MACROD2: variants seen among roughly 807,000 people sequenced by gnomAD.
MACROD2 encodes the protein ADP-ribose glycohydrolase MACROD2.
In MACROD2, 36 loss-of-function variants were observed where a neutral mutation model predicts 70.4. The ratio of observed to expected loss-of-function variants is 0.51; its 90% CI spans 0.39 to 0.68. The LOEUF (loss-of-function observed/expected upper bound fraction) is 0.68, where lower values mean the gene tolerates loss of function less well. Ranked by LOEUF, MACROD2 falls within the 30% of genes least tolerant of loss-of-function variation. MACROD2 has a pLI of 0.00. For synonymous variants in MACROD2, 172 were observed against 178.8 expected (o/e 0.96, Z 0.30); for missense variants, 496 against 538.4 (o/e 0.92, Z 0.78).
intron 3 of MACROD2, among the ~76,000 whole-genome samples, chr20:14,455,907 G>T (rs1878983735): frequency 6.6e-6 from 1 of 151,590 alleles, no homozygotes; most frequent in Non-Finnish European, 1.5e-5. Context: ...TAAAAAAATG[G>T]TCTTCATGTA....
intron 5 of MACROD2, among the ~76,000 whole-genome samples, chr20:14,700,161 G>A (rs1236255491): frequency 6.6e-6 from 1 of 152,046 alleles, no homozygotes; most frequent in Non-Finnish European, 1.5e-5. Flanking sequence ...TAAAGGAGCA[G>A]TATGAATATT....
intron 5 of MACROD2, among the ~76,000 whole-genome samples, chr20:14,948,333 C>A (rs2074449409): frequency 6.6e-6 from 1 of 152,166 alleles, no homozygotes; most frequent in African/African-American, 2.4e-5. Flanking sequence ...GCTGCCTTCA[C>A]CTTGGTGACT....
At chr20:14,747,745 A>AACTT (rs2071818220) in intron 5 of MACROD2, among the ~76,000 whole-genome samples, 16 of 152,156 alleles carry the variant, frequency 1.1e-4, no homozygotes, top group African/African-American at 3.9e-4. Flanking sequence ...AGAGACAAAA[A>AACTT]AGGGATCTCA....
At chr20:15,971,792 T>C (rs752162085) in intron 13 of MACROD2, among the ~76,000 whole-genome samples, 4 of 151,906 alleles carry the variant, frequency 2.6e-5, no homozygotes, top group Non-Finnish European at 5.9e-5. Context: ...TCTGTCAGCA[T>C]CCATGGAACT....
At chr20:15,181,318 G>T (rs1006984021) in intron 5 of MACROD2, among the ~76,000 whole-genome samples, 5 of 152,190 alleles carry the variant, frequency 3.3e-5, no homozygotes, top group African/African-American at 1.2e-4. Flanking sequence ...AACTGTATTT[G>T]CAATTATAGC....
At chr20:15,949,922 T>C (rs1459932079) in intron 12 of MACROD2, among the ~76,000 whole-genome samples, 1 of 152,204 alleles carries the variant, frequency 6.6e-6, no homozygotes, top group African/African-American at 2.4e-5. Context: ...CTTTTCTGTC[T>C]ACAAATTAAA....
intron 4 of MACROD2, among the ~76,000 whole-genome samples, chr20:14,575,317 T>C (rs1054820575): frequency 1.3e-5 from 2 of 152,186 alleles, no homozygotes; most frequent in Non-Finnish European, 2.9e-5. Context: ...CAAAACACTT[T>C]AATGTCTGGC....
chr20:15,431,040 T>TA (rs1278733240), intron 6 of MACROD2, among the ~76,000 whole-genome samples: 2 of 152,016 alleles, frequency 1.3e-5, no homozygotes, highest in Non-Finnish European at 2.9e-5. Flanking sequence ...AGAGCATAGG[T>TA]AATAGTCAAA....
At chr20:14,618,044 A>G (rs1240759009) in intron 4 of MACROD2, among the ~76,000 whole-genome samples, 1 of 152,170 alleles carries the variant, frequency 6.6e-6, no homozygotes, top group Non-Finnish European at 1.5e-5. Context: ...CAACCTGAGT[A>G]ATTGAATGAT....
chr20:15,346,329 T>A (rs1387115948), intron 6 of MACROD2, among the ~76,000 whole-genome samples: 1 of 152,130 alleles, frequency 6.6e-6, no homozygotes, highest in Non-Finnish European at 1.5e-5. Context: ...AAGACCCTCA[T>A]CTTTGAGAAA....
At chr20:15,481,084 A>G (rs546311332) in intron 7 of MACROD2, among the ~76,000 whole-genome samples, 151 of 152,356 alleles carry the variant, frequency 9.9e-4, no homozygotes, top group African/African-American at 3.6e-3. Context: ...ATGAAGGACC[A>G]CACGTATTTA....
At chr20:15,356,445 C>A (rs1307644238) in intron 6 of MACROD2, among the ~76,000 whole-genome samples, 1 of 152,106 alleles carries the variant, frequency 6.6e-6, no homozygotes, top group African/African-American at 2.4e-5. Flanking sequence ...GTCTATAGAA[C>A]TTCATTCTTG....
chr20:15,765,242 C>T (rs2051503614), intron 8 of MACROD2, among the ~76,000 whole-genome samples: 1 of 152,106 alleles, frequency 6.6e-6, no homozygotes, highest in African/African-American at 2.4e-5. Flanking sequence ...GCTAGCTTTT[C>T]CTTATTATTA....
At chr20:15,378,275 A>G (rs2045591910) in intron 6 of MACROD2, among the ~76,000 whole-genome samples, 1 of 145,358 alleles carries the variant, frequency 6.9e-6, no homozygotes, top group Non-Finnish European at 1.5e-5. Context: ...TCCAGAAGCA[A>G]TAAAATTGAA....
chr20:14,523,131 C>T (rs868485991), intron 4 of MACROD2, among the ~76,000 whole-genome samples: 2 of 152,082 alleles, frequency 1.3e-5, no homozygotes, highest in Non-Finnish European at 2.9e-5. Context: ...TAAAAAAAGA[C>T]GCTGGCATGT....
intron 8 of MACROD2, among the ~76,000 whole-genome samples, chr20:15,800,049 C>T (rs1424455511): frequency 6.6e-6 from 1 of 152,018 alleles, no homozygotes; most frequent in Admixed American, 6.5e-5. Flanking sequence ...TGATGTTGAG[C>T]AATTTTCATA....
At chr20:14,923,489 T>C (rs1600829431) in intron 5 of MACROD2, among the ~76,000 whole-genome samples, 1 of 152,102 alleles carries the variant, frequency 6.6e-6, no homozygotes. Flanking sequence ...TTCTGTAGTT[T>C]CCTGCCTCTT....
At chr20:15,760,460 G>A (rs2051419530) in intron 8 of MACROD2, among the ~76,000 whole-genome samples, 1 of 152,184 alleles carries the variant, frequency 6.6e-6, no homozygotes, top group African/African-American at 2.4e-5. Context: ...AGTGGCTGCT[G>A]CAGGAAACAT....
intron 3 of MACROD2, among the ~76,000 whole-genome samples, chr20:14,088,327 T>A (rs1404589093): frequency 2.5e-5 from 3 of 117,912 alleles, no homozygotes; most frequent in African/African-American, 3.3e-5. Context: ...AGACTCCATC[T>A]AAAAAAAAAA....
Sources: allele counts gnomAD v4.1 joint callset (sites outside exome capture counted in the v4.1 genomes callset), GRCh38; gene constraint gnomAD v4.1.1; transcripts MANE v1.5; gene names NCBI Gene and HGNC (gene_info 2026-07-23, HGNC 2026-07-21).